Variants in DDX50 observed in about 807,000 individuals in gnomAD.
DDX50 encodes DExD-box helicase 50, also known as ATP-dependent RNA helicase DDX50.
A neutral mutation model predicts 94.8 loss-of-function variants in DDX50; 56 were observed. The observed-to-expected ratio is 0.59, with a 90% CI of 0.48 to 0.74. The LOEUF is 0.74. DDX50 is among the 30% of genes least tolerant of loss of function. The pLI, the probability that DDX50 is intolerant of heterozygous loss-of-function variation, is 0.00. For missense variants in DDX50, 713 were observed against 881.2 expected (o/e 0.81, Z 2.42); for synonymous variants, 264 against 295.4 (o/e 0.89, Z 1.09).
At chr10:68,946,207 C>G in intron 14 of DDX50, 145 bp from the exon 15 acceptor site, 1 of 974,736 alleles carries the variant, frequency 1.0e-6, no homozygotes, top group Non-Finnish European at 1.4e-6. Context: ...TGCTTATTTT[C>G]TGGTTTTCAT....
Position 68,926,910 on chromosome 10 carries a change from A to C in DDX50, c.1239+6929A>C, listed in dbSNP as rs531485341. Reference sequence around the variant, plus strand: ...TAGGACAAATTATCAAGTAAAAAAAACCCCTGTGTTCTTTTTTTTTGAGAG... The same window carrying C: ...TAGGACAAATTATCAAGTAAAAAAACCCCCTGTGTTCTTTTTTTTTGAGAG... On this transcript the variant is annotated intron_variant, in intron 8 of 14. Transcript: ENST00000373585. 4.7e-4 allele frequency among the ~76,000 whole-genome samples: 70 copies of C among 147,992 alleles called. 2 individuals carry two copies. The highest frequency in any genetic ancestry group is 4.7e-3 in the Admixed American group (67 of 14,406).
intron 8 of DDX50, among the ~76,000 whole-genome samples, chr10:68,932,879 G>T (rs1842307272): frequency 6.6e-6 from 1 of 151,946 alleles, no homozygotes; most frequent in South Asian, 2.1e-4. Context: ...AAGAATAAAA[G>T]GTACACAACT....
intron 13 of DDX50, among the ~76,000 whole-genome samples, chr10:68,942,981 A>C (rs1417830191): frequency 6.6e-6 from 1 of 152,210 alleles, no homozygotes; most frequent in Non-Finnish European, 1.5e-5. Flanking sequence ...ATTTATTAGA[A>C]GGATCATTTT....
intron 7 of DDX50, 162 bp downstream of exon 7, chr10:68,914,366 C>A: frequency 1.3e-6 from 1 of 752,204 alleles, no homozygotes; most frequent in Non-Finnish European, 2.0e-6. Flanking sequence ...GACTGAGTAG[C>A]AGAATAGAAT....
chr10:68,918,441 T>C (rs1841860116), intron 7 of DDX50, among the ~76,000 whole-genome samples: 1 of 142,030 alleles, frequency 7.0e-6, no homozygotes. Context: ...TTTTTTTTTT[T>C]TTTTTTTTTT....
chr10:68,930,299 G>T (rs1470110227), intron 8 of DDX50, among the ~76,000 whole-genome samples: 1 of 151,398 alleles, frequency 6.6e-6, no homozygotes, highest in Non-Finnish European at 1.5e-5. Context: ...TGTATTTTTA[G>T]TAGAGACGGG....
intron 8 of DDX50, among the ~76,000 whole-genome samples, chr10:68,922,617 A>T (rs187696660): frequency 6.6e-6 from 1 of 151,998 alleles, no homozygotes; most frequent in Admixed American, 6.6e-5. Context: ...ATATAGCAAG[A>T]CCCTGTCTCT....
At position 68,919,892 on chromosome 10, in the gene DDX50, G is replaced by A. The variant is rs760288224; in HGVS notation, c.1150G>A (p.Val384Ile). The change falls in exon 8 of 15, where the codon GTC (valine) becomes ATC (isoleucine). Residue 384 changes from valine (V) to isoleucine (I), a missense_variant. By Grantham distance (29) the Val-to-Ile change is conservative. Transcript: ENST00000373585. ...AGCAGTTATTGGAGATGTCCTTCAA[G>A]TCTACAGTGGGTCTGAAGGGAGGGC... ...RPAVIGDVLQ[V>I]YSGSEGRAII... 1 of 1,614,050 alleles carries A rather than the reference G, an allele frequency of 6.2e-7. No homozygotes were observed. Among genetic ancestry groups the A allele is most frequent in the East Asian group, 2.2e-5 (1 of 44,890 alleles).
At chr10:68,939,515 C>G (rs1293622630) in intron 12 of DDX50, among the ~76,000 whole-genome samples, 1 of 152,132 alleles carries the variant, frequency 6.6e-6, no homozygotes, top group African/African-American at 2.4e-5. Flanking sequence ...TTGCTATCTT[C>G]TTGACGTCAT....
At chr10:68,938,067 T>C (rs1842468094) in intron 12 of DDX50, among the ~76,000 whole-genome samples, 4 of 152,368 alleles carry the variant, frequency 2.6e-5, no homozygotes, top group Non-Finnish European at 2.9e-5. Context: ...TATATCCATT[T>C]TTTTCTCATT....
rs1374208325 is a variant in DDX50, at chr10:68,913,450, C to T, written c.817C>T (p.His273Tyr). 6.2e-7 allele frequency: 1 copy of T among 1,613,978 alleles called. No homozygotes were observed. Among genetic ancestry groups the T allele is most frequent in the Non-Finnish European group, 8.5e-7 (1 of 1,180,012 alleles). Reference protein sequence around the residue: ...LVGTPGRIKDHLQSGRLDLSK... With the variant: ...LVGTPGRIKDYLQSGRLDLSK... The stretch of plus-strand genomic sequence containing the variant: ...TGGAACACCTGGTCGTATCAAAGAC[C>T]ATCTGCAGAGTGGCCGATTGGATCT... The change falls in exon 6 of 15, where the codon CAT becomes TAT. Residue 273 changes from histidine to tyrosine, a missense_variant. This residue lies in a region of DDX50 where 428 missense variants were observed against 602.3 expected (regional missense o/e 0.71). Coordinates refer to ENST00000373585, the MANE Select transcript of DDX50 (RefSeq NM_024045.2).
intron 10 of DDX50, among the ~76,000 whole-genome samples, chr10:68,935,476 A>T (rs1842381196): frequency 6.6e-6 from 1 of 152,058 alleles, no homozygotes; most frequent in African/African-American, 2.4e-5. Flanking sequence ...CATGATTGTA[A>T]CTAAGGGGCA....
intron 8 of DDX50, among the ~76,000 whole-genome samples, chr10:68,930,635 A>C (rs1166673761): frequency 6.6e-6 from 1 of 151,062 alleles, no homozygotes; most frequent in Non-Finnish European, 1.5e-5. Context: ...TTGTGCACAC[A>C]CTCCATACAT....
chr10:68,937,944 A>G (rs1336151530), intron 12 of DDX50, among the ~76,000 whole-genome samples: 1 of 152,172 alleles, frequency 6.6e-6, no homozygotes, highest in Non-Finnish European at 1.5e-5. Flanking sequence ...TCATCCCTAA[A>G]TATTTCAACA....
Position 68,910,335 on chromosome 10 carries a change from C to A in DDX50, c.413C>A (p.Ala138Asp), listed in dbSNP as rs759491146. ...TTAACACGTGAACAGAAAGAAGGAG[C>A]CTTCTCCAATTTTCCTATTTCTGAA... ...ETLTREQKEG[A>D]FSNFPISEET... Residue 138 changes from alanine to aspartate, a missense_variant, in exon 3 of 15, where the codon GCC becomes GAC. Ala to Asp is a moderately radical substitution (Grantham distance 126, BLOSUM62 -2). Coordinates refer to ENST00000373585, the MANE Select transcript of DDX50 (RefSeq NM_024045.2). The A allele has an allele frequency of 5.1e-5, 82 of 1,606,786 alleles. No homozygotes were observed. The highest frequency in any genetic ancestry group is 6.4e-5 in the Non-Finnish European group (75 of 1,178,224).
At chr10:68,933,075 T>G (rs560465845) in intron 8 of DDX50, among the ~76,000 whole-genome samples, 81 of 150,918 alleles carry the variant, frequency 5.4e-4, no homozygotes, top group South Asian at 1.5e-3. Flanking sequence ...TTGTTTGTTT[T>G]TTTTTTTTTT....
At chr10:68,921,829 A>G (rs1414357334) in intron 8 of DDX50, among the ~76,000 whole-genome samples, 1 of 152,232 alleles carries the variant, frequency 6.6e-6, no homozygotes, top group East Asian at 1.9e-4. Flanking sequence ...GGAATAAAGC[A>G]TCGGTATAAA....
chr10:68,922,149 A>ATCTTTTTCC (rs960594923), intron 8 of DDX50, among the ~76,000 whole-genome samples: 1 of 152,062 alleles, frequency 6.6e-6, no homozygotes, highest in Admixed American at 6.6e-5. Context: ...GTCACATCAA[A>ATCTTTTTCC]TCTTTTTCCT....
chr10:68,931,426 T>TATACACACAC (rs375773633), intron 8 of DDX50, among the ~76,000 whole-genome samples: 2,384 of 84,806 alleles, frequency 0.028, 84 homozygotes, highest in Non-Finnish European at 0.043. Context: ...TATATATATA[T>TATACACACAC]ACACAAACAC....
Sources: allele counts gnomAD v4.1 joint callset (sites outside exome capture counted in the v4.1 genomes callset), GRCh38; gene constraint gnomAD v4.1.1; regional missense constraint gnomAD v4.1.1; transcripts MANE v1.5; gene names NCBI Gene and HGNC (gene_info 2026-07-23, HGNC 2026-07-21).